CSRNP3: variants seen among roughly 807,000 people sequenced by gnomAD.
The protein encoded by CSRNP3 is cysteine and serine rich nuclear protein 3.
A neutral mutation model predicts 48.0 loss-of-function variants in CSRNP3; 12 were observed. That is an observed-to-expected ratio of 0.25 (90% confidence interval 0.16 to 0.41). The LOEUF (loss-of-function observed/expected upper bound fraction) is 0.41, where lower values mean the gene tolerates loss of function less well. CSRNP3 is among the 10% of genes least tolerant of loss of function. The probability of loss-of-function intolerance (pLI) is 1.00; values close to 1 mark genes in which losing one functional copy is unlikely to be tolerated. For synonymous variants in CSRNP3, 263 were observed against 269.7 expected (o/e 0.98, Z 0.24); for missense variants, 580 against 724.4 (o/e 0.80, Z 2.29).
intron 3 of CSRNP3, among the ~76,000 whole-genome samples, chr2:165,582,107 A>C (rs1314064127): frequency 6.6e-6 from 1 of 152,226 alleles, no homozygotes; most frequent in Admixed American, 6.5e-5. Flanking sequence ...GAAGCCACTT[A>C]ACCACAGTGT....
At chr2:165,573,836 A>G (rs1685407214) in intron 3 of CSRNP3, among the ~76,000 whole-genome samples, 1 of 151,898 alleles carries the variant, frequency 6.6e-6, no homozygotes, top group African/African-American at 2.4e-5. Context: ...TGCAATATGT[A>G]TTTGAATTTA....
intron 3 of CSRNP3, among the ~76,000 whole-genome samples, chr2:165,585,547 C>T (rs1348686143): frequency 2.0e-5 from 3 of 152,168 alleles, no homozygotes; most frequent in African/African-American, 7.2e-5. Flanking sequence ...TCAATCCAGA[C>T]ACTGGTGTTT....
At chr2:165,582,968 T>G (rs1685571739) in intron 3 of CSRNP3, among the ~76,000 whole-genome samples, 1 of 152,200 alleles carries the variant, frequency 6.6e-6, no homozygotes, top group Non-Finnish European at 1.5e-5. Flanking sequence ...CAAAAATATT[T>G]ATTAGCCAGG....
chr2:165,581,385 A>G (rs1345407633), intron 3 of CSRNP3, among the ~76,000 whole-genome samples: 2 of 152,180 alleles, frequency 1.3e-5, no homozygotes, highest in African/African-American at 2.4e-5. Flanking sequence ...ACATAAGTCA[A>G]TTTAGCCATT....
At chr2:165,675,252 C>G (rs1687405229) in intron 5 of CSRNP3, among the ~76,000 whole-genome samples, 1 of 151,962 alleles carries the variant, frequency 6.6e-6, no homozygotes, top group Non-Finnish European at 1.5e-5. Flanking sequence ...TGTTGTTAAG[C>G]TCACCAAGCA....
Position 165,595,947 on chromosome 2 carries a change from G to A in CSRNP3, c.148+734G>A, listed in dbSNP as rs985064443. 2.0e-5 allele frequency among the ~76,000 whole-genome samples: 3 copies of A among 151,840 alleles called. No individual in the cohort carries two copies. In the East Asian group the frequency reaches 5.8e-4, roughly 29 times the overall value. On this transcript the variant is annotated intron_variant, in intron 4 of 6. Coordinates refer to ENST00000651982, the MANE Select transcript of CSRNP3 (RefSeq NM_001172173.2). ...GAGTAGCTGGGACTGCAGGTGCATG[G>A]CACCACACCCAACTAATTATTTTAT...
At chr2:165,634,006 T>C (rs1467048176) in intron 4 of CSRNP3, among the ~76,000 whole-genome samples, 1 of 152,234 alleles carries the variant, frequency 6.6e-6, no homozygotes, top group Non-Finnish European at 1.5e-5. Flanking sequence ...AACCAATTCA[T>C]TTATTCTACA....
At chr2:165,587,778 A>G (rs560955745) in intron 3 of CSRNP3, among the ~76,000 whole-genome samples, 1 of 152,350 alleles carries the variant, frequency 6.6e-6, no homozygotes, top group South Asian at 2.1e-4. Flanking sequence ...AAAAAATTGT[A>G]TGATGCTTTG....
At chr2:165,566,553 GTTAA>G (rs1281902456) in intron 3 of CSRNP3, among the ~76,000 whole-genome samples, 1 of 151,778 alleles carries the variant, frequency 6.6e-6, no homozygotes, top group African/African-American at 2.4e-5. Context: ...GGTTTTACAA[GTTAA>G]TTAATACATG....
intron 3 of CSRNP3, among the ~76,000 whole-genome samples, chr2:165,591,027 A>G (rs1295492851): frequency 6.7e-6 from 1 of 150,316 alleles, no homozygotes; most frequent in East Asian, 1.9e-4. Context: ...GAGAAAGTTT[A>G]GAACTTCCTA....
intron 2 of CSRNP3, among the ~76,000 whole-genome samples, chr2:165,510,596 T>G (rs1684488589): frequency 6.6e-6 from 1 of 152,186 alleles, no homozygotes; most frequent in African/African-American, 2.4e-5. Flanking sequence ...CCATTTTCAC[T>G]AAGGAGCTAG....
chr2:165,636,562 A>G (rs1170884416), intron 4 of CSRNP3, among the ~76,000 whole-genome samples: 1 of 152,204 alleles, frequency 6.6e-6, no homozygotes, highest in Admixed American at 6.5e-5. Flanking sequence ...GGAACAAGTA[A>G]TCATTATTGC....
chr2:165,541,696 A>G (rs888564805), intron 3 of CSRNP3, among the ~76,000 whole-genome samples: 3 of 152,030 alleles, frequency 2.0e-5, no homozygotes, highest in African/African-American at 7.2e-5. Context: ...ACCACTGTAG[A>G]CCTCACACCC....
chr2:165,524,400 A>G (rs1684705609), intron 3 of CSRNP3, among the ~76,000 whole-genome samples: 1 of 152,194 alleles, frequency 6.6e-6, no homozygotes, highest in Admixed American at 6.5e-5. Flanking sequence ...GCTTATAGGT[A>G]TTTATGTGAC....
rs562058087 is a variant in CSRNP3, at chr2:165,679,248, T to C, written c.1253T>C (p.Val418Ala). The change falls in exon 7 of 7, where the codon GTT becomes GCT. Residue 418 changes from valine to alanine, a missense_variant. Val to Ala is a moderately conservative substitution (Grantham distance 64). This residue lies in a region of CSRNP3 where 369 missense variants were observed against 380.8 expected (regional missense o/e 0.97). Transcript: ENST00000651982. ...SVLCYSDGTA[V>A]HESHAKNASF... ...CTTTGTTATTCTGATGGCACCGCCG[T>C]TCACGAAAGCCATGCAAAGAATGCT... 1 of 1,613,996 alleles carries C rather than the reference T, an allele frequency of 6.2e-7. No individual in the cohort carries two copies. The highest frequency in any genetic ancestry group is 2.2e-5 in the East Asian group (1 of 44,848).
intron 4 of CSRNP3, among the ~76,000 whole-genome samples, chr2:165,615,209 A>T (rs1388616795): frequency 6.6e-6 from 1 of 152,172 alleles, no homozygotes; most frequent in African/African-American, 2.4e-5. Context: ...TGCTTTATAT[A>T]TCTGAATGCT....
At position 165,686,006 on chromosome 2, in the gene CSRNP3, T is replaced by A. The variant is rs180902267; in HGVS notation, c.*6253T>A. ...ATGGTAGAAATTAGCCTTGCCATTG[T>A]CTAAGTTAATTTATGTGACCTGATT... On this transcript the variant is annotated 3_prime_UTR_variant, in exon 7 of 7. Transcript: ENST00000651982. 6.6e-6 allele frequency: 1 copy of A among 152,210 alleles called. No homozygotes were observed. Among genetic ancestry groups the A allele is most frequent in the Non-Finnish European group, 1.5e-5 (1 of 67,960 alleles). The allele number at this position is 152,210 out of a possible 1,614,324, so 9.4% of individuals were successfully genotyped here.
At chr2:165,632,252 T>C (rs1686550308) in intron 4 of CSRNP3, among the ~76,000 whole-genome samples, 1 of 152,218 alleles carries the variant, frequency 6.6e-6, no homozygotes, top group Non-Finnish European at 1.5e-5. Context: ...CCAGGCATGG[T>C]AGTTCACACC....
Position 165,684,139 on chromosome 2 carries a change from A to G in CSRNP3, c.*4386A>G, listed in dbSNP as rs886854532. 6.6e-6 allele frequency: 1 copy of G among 152,136 alleles called. No homozygotes were observed. Among genetic ancestry groups the G allele is most frequent in the Non-Finnish European group, 1.5e-5 (1 of 68,008 alleles). 9.4% of individuals were successfully genotyped at this position (152,136 alleles called of 1,614,324 possible). A position where few individuals can be genotyped will look rare whatever the true frequency, so the allele number is the denominator to read the frequency against. On this transcript the variant is annotated 3_prime_UTR_variant, in exon 7 of 7. Transcript: ENST00000651982. ...AACAGTGTGGAACACAATCACTCTT[A>G]CTTCTATTTATAAAAAGCCTATCAA...
Sources: gnomAD v4.1 joint callset for allele counts (sites outside exome capture counted in the v4.1 genomes callset) on GRCh38, gnomAD v4.1.1 for gene constraint, gnomAD v4.1.1 regional missense constraint, MANE v1.5 for transcripts, NCBI Gene and HGNC (gene_info 2026-07-23, HGNC 2026-07-21) for gene names.